Variants in HSPA12A observed in about 807,000 individuals in gnomAD.
HSPA12A encodes the protein heat shock protein family A (Hsp70) member 12A.
Under a neutral mutation model 69.2 loss-of-function variants are expected in HSPA12A, and 28 were observed. That is an observed-to-expected ratio of 0.40 (90% confidence interval 0.30 to 0.55). HSPA12A has a LOEUF of 0.55. Ranked by LOEUF, HSPA12A falls within the 20% of genes least tolerant of loss-of-function variation. The pLI is 0.38. For synonymous variants in HSPA12A, 345 were observed against 370.5 expected (o/e 0.93, Z 0.79); for missense variants, 686 against 900.7 (o/e 0.76, Z 3.05).
chr10:116,690,636 C>CT (rs1477357044), intron 6 of HSPA12A, among the ~76,000 whole-genome samples: 1 of 152,146 alleles, frequency 6.6e-6, no homozygotes, highest in Non-Finnish European at 1.5e-5. Flanking sequence ...AGCTGCAGGC[C>CT]TTTTTCTCTC....
At chr10:116,707,149 GCGCGCACACACA>G (rs782677948) in intron 2 of HSPA12A, 39 bp downstream of exon 2, 209 of 446,472 alleles carry the variant, frequency 4.7e-4, no homozygotes, top group East Asian at 1.0e-3. Flanking sequence ...GCGCACCCAT[GCGCGCACACACA>G]CACACACACA....
chr10:116,781,536 A>G (rs1844463874), intron 2 of HSPA12A, among the ~76,000 whole-genome samples: 2 of 152,108 alleles, frequency 1.3e-5, no homozygotes, highest in South Asian at 4.1e-4. Flanking sequence ...CAGGAGCCCC[A>G]CAGCCCTGGG....
In HSPA12A at chr10:116,673,778, T is replaced by C. The variant is rs1481853604; in HGVS notation, c.*1003A>G. 2 of 152,188 alleles carry C rather than the reference T, an allele frequency of 1.3e-5. No individual in the cohort carries two copies. Among genetic ancestry groups the C allele is most frequent in the Non-Finnish European group, 2.9e-5 (2 of 68,034 alleles). The allele number at this position is 152,188 out of a possible 1,614,324, so 9.4% of individuals were successfully genotyped here. A position where few individuals can be genotyped will look rare whatever the true frequency, so the allele number is the denominator to read the frequency against. ...AGATTCTCTTCCCAAATTTCACCAA[T>C]GTATTCCTTTCAAAATGTGGAATTA... On this transcript the variant is annotated 3_prime_UTR_variant, in exon 12 of 12. Coordinates refer to ENST00000369209, the MANE Select transcript of HSPA12A (RefSeq NM_025015.3).
At chr10:116,814,671 A>C (rs1845262595) in intron 2 of HSPA12A, among the ~76,000 whole-genome samples, 1 of 152,180 alleles carries the variant, frequency 6.6e-6, no homozygotes. Context: ...GGGCCAGACT[A>C]GACAGCTCAG....
At position 116,674,325 on chromosome 10, in the gene HSPA12A, T is replaced by G. The variant is rs1849163580; in HGVS notation, c.*456A>C. 6.0e-6 allele frequency: 1 copy of G among 165,326 alleles called. No homozygotes were observed. The highest frequency in any genetic ancestry group is 5.6e-5 in the Admixed American group (1 of 18,008). 10.2% of individuals were successfully genotyped at this position (165,326 alleles called of 1,614,324 possible). On this transcript the variant is annotated 3_prime_UTR_variant, in exon 12 of 12. Coordinates refer to ENST00000369209, the MANE Select transcript of HSPA12A (RefSeq NM_025015.3). Reference sequence around the variant, plus strand: ...AATTAACTGCAGATGGGTGGCATTTTATATTGATGGCCATCCAAAAAATTT... The same window carrying G: ...AATTAACTGCAGATGGGTGGCATTTGATATTGATGGCCATCCAAAAAATTT...
intron 2 of HSPA12A, chr10:116,750,126 G>A (rs1851740628): frequency 1.8e-6 from 1 of 563,162 alleles, no homozygotes; most frequent in East Asian, 3.0e-5. Flanking sequence ...ATGATAATGT[G>A]TGTACCTTAT....
chr10:116,787,163 A>C (rs1386211020), intron 2 of HSPA12A, among the ~76,000 whole-genome samples: 1 of 151,622 alleles, frequency 6.6e-6, no homozygotes, highest in African/African-American at 2.4e-5. Context: ...AAGGGCAAAA[A>C]CGTCCATGGG....
At chr10:116,678,242 G>A (rs534721393) in intron 10 of HSPA12A, among the ~76,000 whole-genome samples, 15 of 149,452 alleles carry the variant, frequency 1.0e-4, no homozygotes, top group East Asian at 4.0e-4. Flanking sequence ...CAGACATTTC[G>A]TGTCCCCTGA....
intron 2 of HSPA12A, among the ~76,000 whole-genome samples, chr10:116,761,068 A>G (rs1843960075): frequency 6.6e-6 from 1 of 152,192 alleles, no homozygotes. Context: ...TCCTTGATCT[A>G]AGCTGGGTAT....
rs1849592768 is a variant in HSPA12A, at chr10:116,686,902, G to A, written c.664-2940C>T. On this transcript the variant is annotated intron_variant, in intron 6 of 11. Coordinates refer to ENST00000369209, the MANE Select transcript of HSPA12A (RefSeq NM_025015.3). This position sits in a 1 kb window ranked among gnomAD's most constrained non-coding sequence, Gnocchi z 4.1. ...CGCCCCTCATCCCTCTTCCCACACT[G>A]TAAGCTCTGCCCCCATCTCTCTACC... Among the ~76,000 whole-genome samples the A allele has an allele frequency of 2.0e-5, 3 of 148,002 alleles. No individual in the cohort carries two copies. In the Admixed American group the frequency reaches 2.1e-4, roughly 10 times the overall value.
At chr10:116,772,435 G>A (rs1844233493) in intron 2 of HSPA12A, among the ~76,000 whole-genome samples, 2 of 152,192 alleles carry the variant, frequency 1.3e-5, no homozygotes, top group South Asian at 4.1e-4. Context: ...CTGTGGAGCT[G>A]CATGCCAGGC....
At chr10:116,793,119 C>A (rs1288717000) in intron 2 of HSPA12A, among the ~76,000 whole-genome samples, 1 of 152,120 alleles carries the variant, frequency 6.6e-6, no homozygotes, top group African/African-American at 2.4e-5. Flanking sequence ...ATTTTCAAAA[C>A]AACAAAAACT....
chr10:116,804,006 T>A (rs1296385581), intron 2 of HSPA12A, among the ~76,000 whole-genome samples: 3 of 151,996 alleles, frequency 2.0e-5, no homozygotes, highest in Non-Finnish European at 4.4e-5. Context: ...TGTGAGAATC[T>A]CCCCTTAGCC....
intron 1 of HSPA12A, among the ~76,000 whole-genome samples, chr10:116,734,077 C>T (rs577218420): frequency 1.3e-3 from 205 of 152,234 alleles, no homozygotes; most frequent in African/African-American, 4.8e-3. Context: ...AAAACAGTAA[C>T]GGAGCACTCA....
intron 2 of HSPA12A, among the ~76,000 whole-genome samples, chr10:116,792,377 A>G (rs1844718821): frequency 6.6e-6 from 1 of 151,962 alleles, no homozygotes; most frequent in African/African-American, 2.4e-5. Context: ...AAAGTAGATG[A>G]AGCAGAGGTA....
At chr10:116,786,636 A>ATTAT (rs890228584) in intron 2 of HSPA12A, among the ~76,000 whole-genome samples, 46 of 151,874 alleles carry the variant, frequency 3.0e-4, no homozygotes, top group Non-Finnish European at 5.0e-4. Context: ...CTCCTGGGGA[A>ATTAT]TTATTTATTT....
chr10:116,837,018 T>C (rs569974990), intron 1 of HSPA12A, among the ~76,000 whole-genome samples: 1 of 152,240 alleles, frequency 6.6e-6, no homozygotes, highest in South Asian at 2.1e-4. Context: ...AAGGAGGAAT[T>C]GATGCCTTAA....
chr10:116,799,679 C>T (rs148837939), intron 2 of HSPA12A, among the ~76,000 whole-genome samples: 1,891 of 152,328 alleles, frequency 0.012, 41 homozygotes, highest in African/African-American at 0.043. Context: ...GCTAAGCCCA[C>T]ACCGGCCCTG....
chr10:116,787,874 TGGGGGCACCC>T (rs1844611627), intron 2 of HSPA12A, among the ~76,000 whole-genome samples: 1 of 152,092 alleles, frequency 6.6e-6, no homozygotes, highest in Non-Finnish European at 1.5e-5. Context: ...GGCTTCAGCG[TGGGGGCACCC>T]TAAATCCCCT....
Sources: allele counts gnomAD v4.1 joint callset (sites outside exome capture counted in the v4.1 genomes callset), GRCh38; gene constraint gnomAD v4.1.1; non-coding constraint Gnocchi (gnomAD v3.1); transcripts MANE v1.5; gene names NCBI Gene and HGNC (gene_info 2026-07-23, HGNC 2026-07-21).